AGTPBP1: variants seen among roughly 807,000 people sequenced by gnomAD.
The protein encoded by AGTPBP1 is ATP/GTP binding carboxypeptidase 1, also known as cytosolic carboxypeptidase 1.
AGTPBP1 carries 70 observed loss-of-function variants against 143.9 expected under a neutral mutation model. That is an observed-to-expected ratio of 0.49 (90% CI 0.40 to 0.59). The LOEUF (loss-of-function observed/expected upper bound fraction) is 0.59. AGTPBP1 is among the 20% of genes least tolerant of loss of function. The probability of loss-of-function intolerance (pLI) is 0.00; values close to 1 mark genes in which losing one functional copy is unlikely to be tolerated. For synonymous variants in AGTPBP1, 463 were observed against 500.2 expected (o/e 0.93, Z 0.99); for missense variants, 1,229 against 1,464.5 (o/e 0.84, Z 2.62).
chr9:85,778,666 A>T, the AGTPBP1 span, among the ~76,000 whole-genome samples: 5 of 152,186 alleles, frequency 3.3e-5, no homozygotes, highest in African/African-American at 1.2e-4. Flanking sequence ...CCCACTAGGC[A>T]TTGTGCCTCT....
At chr9:85,680,001 T>A (rs1835071701) in intron 4 of AGTPBP1, among the ~76,000 whole-genome samples, 1 of 152,208 alleles carries the variant, frequency 6.6e-6, no homozygotes, top group Non-Finnish European at 1.5e-5. Flanking sequence ...TGATTCAATG[T>A]TACCTTTTTC....
rs1833606865 is a variant in AGTPBP1 at position 85,657,610 on chromosome 9, T to C, written c.734A>G (p.Tyr245Cys). ...ATAAATTGTTAAAAGCACTTGGACA[T>C]ATCCTCTGTCTACAGCTCTCCTGGC... ...TNARRAVDRG[Y>C]VQVLLTIYVD... is the part of the protein sequence containing the mutation. Residue 245 changes from tyrosine (Y) to cysteine (C), a missense_variant, in exon 10 of 26, where the codon TAT (tyrosine) becomes TGT (cysteine). Transcript: ENST00000357081. 2 of 1,613,754 alleles carry C rather than the reference T, an allele frequency of 1.2e-6. No individual in the cohort carries two copies. The highest frequency in any genetic ancestry group is 1.7e-6 in the Non-Finnish European group (2 of 1,179,908).
chr9:85,707,460 A>G lies in AGTPBP1; in HGVS notation c.32+5042T>C, dbSNP rs548070983. On this transcript the variant is annotated intron_variant, in intron 2 of 25. Transcript: ENST00000357081. ...AACCAAAAGCTTGTTCTTTGAGGAT[A>G]TCAGTAGAACTGATAAACTTTCAAC... Among the ~76,000 whole-genome samples the G allele has an allele frequency of 2.6e-5, 4 of 152,364 alleles. No homozygotes were observed. The South Asian group carries it at 8.3e-4, about 32-fold the overall frequency.
chr9:85,686,782 A>G (rs1835512068), intron 3 of AGTPBP1, among the ~76,000 whole-genome samples: 1 of 152,184 alleles, frequency 6.6e-6, no homozygotes, highest in African/African-American at 2.4e-5. Context: ...TCCCTATAGG[A>G]ACCACTAAGA....
intron 2 of AGTPBP1, among the ~76,000 whole-genome samples, chr9:85,699,592 T>C (rs1261961970): frequency 7.1e-6 from 1 of 140,328 alleles, no homozygotes; most frequent in Non-Finnish European, 1.5e-5. Flanking sequence ...TAAAAAAAAA[T>C]AATAAACAGC....
chr9:85,791,230 C>T, the AGTPBP1 span, among the ~76,000 whole-genome samples: 5 of 151,918 alleles, frequency 3.3e-5, no homozygotes, highest in Admixed American at 2.0e-4. Flanking sequence ...CAAAATTAAC[C>T]GAGTGTGGTG....
the AGTPBP1 span, among the ~76,000 whole-genome samples, chr9:85,755,710 G>A: frequency 1.3e-5 from 2 of 152,176 alleles, no homozygotes; most frequent in African/African-American, 2.4e-5. Flanking sequence ...AGATAGATAC[G>A]TAGGGCAGCC....
At chr9:85,704,523 A>G (rs1365615740) in intron 2 of AGTPBP1, among the ~76,000 whole-genome samples, 1 of 152,250 alleles carries the variant, frequency 6.6e-6, no homozygotes, top group Non-Finnish European at 1.5e-5. Context: ...GTCTAACCTC[A>G]GTAGTAAGGA....
At chr9:85,799,426 A>G in the AGTPBP1 span, among the ~76,000 whole-genome samples, 1 of 152,290 alleles carries the variant, frequency 6.6e-6, no homozygotes, top group Non-Finnish European at 1.5e-5. Context: ...ACAATGGTTG[A>G]ACTAATTTAC....
chr9:85,799,481 G>A, the AGTPBP1 span, among the ~76,000 whole-genome samples: 2 of 152,110 alleles, frequency 1.3e-5, no homozygotes, highest in Non-Finnish European at 2.9e-5. Context: ...AGGTCAGCCT[G>A]TGCAACACAG....
chr9:85,600,626 C>T (rs950813040), intron 17 of AGTPBP1, among the ~76,000 whole-genome samples: 1 of 152,142 alleles, frequency 6.6e-6, no homozygotes, highest in African/African-American at 2.4e-5. Flanking sequence ...ATCCGCACTA[C>T]AGACTCCTCC....
chr9:85,722,177 T>C (rs961789551), intron 1 of AGTPBP1, among the ~76,000 whole-genome samples: 2 of 152,204 alleles, frequency 1.3e-5, no homozygotes, highest in Non-Finnish European at 2.9e-5. Flanking sequence ...GGAGTATGTA[T>C]GTGTTGTTCT....
the AGTPBP1 span, chr9:85,781,203 A>G: frequency 2.0e-6 from 3 of 1,497,798 alleles, no homozygotes; most frequent in South Asian, 1.4e-5. Flanking sequence ...GTTGTATAGA[A>G]CAAGATGGAG....
At chr9:85,670,107 G>GT (rs1834392341) in intron 7 of AGTPBP1, among the ~76,000 whole-genome samples, 1 of 152,180 alleles carries the variant, frequency 6.6e-6, no homozygotes, top group South Asian at 2.1e-4. Flanking sequence ...GTGAGTAGTA[G>GT]TTAGGGCAGG....
chr9:85,550,686 A>G (rs1001523248), intron 25 of AGTPBP1, among the ~76,000 whole-genome samples: 15 of 152,020 alleles, frequency 9.9e-5, no homozygotes, highest in Non-Finnish European at 1.6e-4. Context: ...TGCACCTCAA[A>G]TGTAGCATCT....
chr9:85,712,645 G>A, intron 1 of AGTPBP1, 79 bp from the exon 2 acceptor site: 2 of 628,396 alleles, frequency 3.2e-6, no homozygotes, highest in South Asian at 3.7e-5. Flanking sequence ...GCCATACAAT[G>A]GAAAGTTTTC....
chr9:85,738,285 C>G (rs1383666956), intron 1 of AGTPBP1, among the ~76,000 whole-genome samples: 1 of 151,260 alleles, frequency 6.6e-6, no homozygotes, highest in Non-Finnish European at 1.5e-5. Context: ...ATATTAGATC[C>G]CTGCAAACCA....
intron 1 of AGTPBP1, among the ~76,000 whole-genome samples, chr9:85,737,085 G>A (rs1008388998): frequency 3.9e-5 from 6 of 152,140 alleles, no homozygotes; most frequent in African/African-American, 9.7e-5. Flanking sequence ...CAGCCTGGGC[G>A]ACAGAGCAAG....
chr9:85,797,180 G>A, the AGTPBP1 span, among the ~76,000 whole-genome samples: 8 of 151,722 alleles, frequency 5.3e-5, no homozygotes, highest in Non-Finnish European at 1.2e-4. Context: ...GTGCAGCGAC[G>A]CGATGATAGC....
Sources: allele counts gnomAD v4.1 joint callset (sites outside exome capture counted in the v4.1 genomes callset), GRCh38; gene constraint gnomAD v4.1.1; transcripts MANE v1.5; gene names NCBI Gene and HGNC (gene_info 2026-07-23, HGNC 2026-07-21).